Variants in ARFIP1 observed in about 807,000 individuals in gnomAD.
The protein encoded by ARFIP1 is ARF interacting protein 1.
A neutral mutation model predicts 42.5 loss-of-function variants in ARFIP1; 24 were observed. That is an observed-to-expected ratio of 0.57 (90% CI 0.41 to 0.80). The LOEUF (loss-of-function observed/expected upper bound fraction) is 0.80, where lower values mean the gene tolerates loss of function less well. Ranked by LOEUF, ARFIP1 falls within the 30% of genes least tolerant of loss-of-function variation. The pLI is 0.00. For synonymous variants in ARFIP1, 141 were observed against 153.7 expected, an observed-to-expected ratio of 0.92 and a Z score of 0.61; for missense variants, 354 against 434.0, an observed-to-expected ratio of 0.82 and a Z score of 1.64.
At chr4:152,801,331 G>A (rs192382746) in intron 1 of ARFIP1, among the ~76,000 whole-genome samples, 25 of 152,228 alleles carry the variant, frequency 1.6e-4, no homozygotes, top group African/African-American at 5.8e-4. Flanking sequence ...GAATTTTCCA[G>A]ACAGAGCAAA....
rs567312853 is a variant in ARFIP1, at chr4:152,898,655, G to A, written c.966+10348G>A. Among the ~76,000 whole-genome samples, 25 of 152,264 alleles carry A rather than the reference G, an allele frequency of 1.6e-4. No individual in the cohort carries two copies. The South Asian group carries it at 5.0e-3, about 30-fold the overall frequency. ...ATATAAAATGCTAACTTAAACATGA[G>A]AAAGAAATACAGAATTTGATGAAGA... On this transcript the variant is annotated intron_variant, in intron 8 of 8. Coordinates refer to ENST00000353617, the MANE Select transcript of ARFIP1 (RefSeq NM_001025595.3).
chr4:152,793,180 G>A (rs1303144270), intron 1 of ARFIP1, among the ~76,000 whole-genome samples: 1 of 151,690 alleles, frequency 6.6e-6, no homozygotes, highest in Non-Finnish European at 1.5e-5. Context: ...TTACTCCCAT[G>A]TATTTTGTTA....
chr4:152,865,376 G>A (rs1460090627), intron 3 of ARFIP1, among the ~76,000 whole-genome samples: 1 of 152,092 alleles, frequency 6.6e-6, no homozygotes, highest in Non-Finnish European at 1.5e-5. Flanking sequence ...AGCTCAGGCA[G>A]TCCTCCTGCC....
intron 8 of ARFIP1, among the ~76,000 whole-genome samples, chr4:152,906,584 A>T (rs1738377008): frequency 6.6e-6 from 1 of 152,008 alleles, no homozygotes. Flanking sequence ...CCATTACCTC[A>T]CCCAGGTTAT....
chr4:152,894,193 G>T (rs1737106658), intron 8 of ARFIP1, among the ~76,000 whole-genome samples: 1 of 148,506 alleles, frequency 6.7e-6, no homozygotes, highest in African/African-American at 2.5e-5. Context: ...AGATGACAGA[G>T]CGAGACTCTG....
intron 1 of ARFIP1, among the ~76,000 whole-genome samples, chr4:152,805,875 A>G (rs1728956667): frequency 6.6e-6 from 1 of 152,202 alleles, no homozygotes; most frequent in Non-Finnish European, 1.5e-5. Flanking sequence ...GGCTTCAGAT[A>G]TTTGCTTGAA....
intron 1 of ARFIP1, among the ~76,000 whole-genome samples, chr4:152,816,905 G>C (rs184813575): frequency 3.3e-5 from 5 of 151,942 alleles, no homozygotes; most frequent in Non-Finnish European, 5.9e-5. Context: ...ATCTGTTATC[G>C]TACAAGATTT....
At chr4:152,806,482 A>G (rs796381703) in intron 1 of ARFIP1, among the ~76,000 whole-genome samples, 7 of 152,322 alleles carry the variant, frequency 4.6e-5, no homozygotes, top group African/African-American at 1.4e-4. Context: ...GCCATTAGAG[A>G]TGATAAAATG....
chr4:152,906,842 C>A (rs928881628), intron 8 of ARFIP1, among the ~76,000 whole-genome samples: 1 of 152,140 alleles, frequency 6.6e-6, no homozygotes, highest in Non-Finnish European at 1.5e-5. Context: ...CTCAAACATA[C>A]CAAGCACACT....
At chr4:152,837,413 G>A (rs1044002434) in intron 2 of ARFIP1, among the ~76,000 whole-genome samples, 2 of 152,022 alleles carry the variant, frequency 1.3e-5, no homozygotes, top group Non-Finnish European at 2.9e-5. Context: ...AGTGTTTCCT[G>A]TTCACCGCAT....
Position 152,863,625 on chromosome 4 carries a change from C to T in ARFIP1, c.113C>T (p.Pro38Leu). 6.2e-7 allele frequency: 1 copy of T among 1,600,656 alleles called. No homozygotes were observed. Among genetic ancestry groups the T allele is most frequent in the Non-Finnish European group, 8.6e-7 (1 of 1,168,698 alleles). The part of the protein sequence containing the change: ...SFNRDLKHSL[P>L]SGLGLSETQI... ...GCTAAGGATTTGAAGCATTCATTACCATCTGGACTTGGTCTCTCAGAAACC... is the reference window on the plus strand; with the variant it reads ...GCTAAGGATTTGAAGCATTCATTACTATCTGGACTTGGTCTCTCAGAAACC... The change falls in exon 3 of 9, where the codon CCA (proline) becomes CTA (leucine). Residue 38 changes from proline (P) to leucine (L), a missense_variant. Coordinates refer to ENST00000353617, the MANE Select transcript of ARFIP1 (RefSeq NM_001025595.3).
At chr4:152,832,556 C>T (rs1350453256) in intron 2 of ARFIP1, among the ~76,000 whole-genome samples, 1 of 152,150 alleles carries the variant, frequency 6.6e-6, no homozygotes, top group African/African-American at 2.4e-5. Context: ...TTAATGGCAT[C>T]TTTTGATGAA....
At chr4:152,909,985 T>G in intron 8 of ARFIP1, 79 bp from the exon 9 acceptor site, 1 of 1,501,680 alleles carries the variant, frequency 6.7e-7, no homozygotes, top group Non-Finnish European at 9.1e-7. Flanking sequence ...ACTATTTAAT[T>G]AAGGAATGTA....
intron 3 of ARFIP1, among the ~76,000 whole-genome samples, chr4:152,867,085 A>T (rs1319597734): frequency 6.6e-6 from 1 of 151,754 alleles, no homozygotes; most frequent in Non-Finnish European, 1.5e-5. Context: ...CTCACTTCCC[A>T]GACGGGGTGG....
intron 3 of ARFIP1, among the ~76,000 whole-genome samples, chr4:152,866,656 C>T (rs1440494552): frequency 4.6e-5 from 7 of 151,872 alleles, no homozygotes; most frequent in East Asian, 1.9e-4. Context: ...ACCTCCCTCC[C>T]GGACGGGGTG....
In ARFIP1 at chr4:152,847,124, C is replaced by CTTTTTTTTTTTTTTTTTTTTTTTTTTT. The variant is rs771661005; in HGVS notation, c.94-16458_94-16457insTTTTTTTTTTTTTTTTTTTTTTTTTTT. 4.2e-4 allele frequency among the ~76,000 whole-genome samples: 17 copies of CTTTTTTTTTTTTTTTTTTTTTTTTTTT among 40,556 alleles called. 4 individuals carry two copies. The highest frequency in any genetic ancestry group is 6.7e-4 in the Non-Finnish European group (15 of 22,242). 26.6% of individuals were successfully genotyped at this position (40,556 alleles called of 152,430 possible). A position where few individuals can be genotyped will look rare whatever the true frequency, so the allele number is the denominator to read the frequency against. On this transcript the variant is annotated intron_variant, in intron 2 of 8. Coordinates refer to ENST00000353617, the MANE Select transcript of ARFIP1 (RefSeq NM_001025595.3). ...GTATGTTAATGTTTTTAGGTTTGTT[C>CTTTTTTTTTTTTTTTTTTTTTTTTTTT]TTTTTTTTTTTTTTTTTTTTTTTTG...
chr4:152,792,995 T>C (rs1318234835), intron 1 of ARFIP1, among the ~76,000 whole-genome samples: 2 of 152,132 alleles, frequency 1.3e-5, no homozygotes, highest in Non-Finnish European at 2.9e-5. Context: ...TAATGACATT[T>C]TGGCCTCCAA....
At chr4:152,861,851 T>A (rs1733917756) in intron 2 of ARFIP1, among the ~76,000 whole-genome samples, 1 of 152,172 alleles carries the variant, frequency 6.6e-6, no homozygotes, top group South Asian at 2.1e-4. Flanking sequence ...GTATTTTAAT[T>A]ACTCTTAATT....
chr4:152,824,632 G>A (rs993686164), intron 1 of ARFIP1, among the ~76,000 whole-genome samples: 1 of 152,208 alleles, frequency 6.6e-6, no homozygotes, highest in Non-Finnish European at 1.5e-5. Context: ...ACTGGAACAA[G>A]GGAAGCATGC....
Sources: allele counts gnomAD v4.1 joint callset (sites outside exome capture counted in the v4.1 genomes callset), GRCh38; gene constraint gnomAD v4.1.1; transcripts MANE v1.5; gene names NCBI Gene and HGNC (gene_info 2026-07-23, HGNC 2026-07-21).